ZBTB20: variants seen among roughly 807,000 people sequenced by gnomAD.
The protein encoded by ZBTB20 is zinc finger and BTB domain containing 20, also known as zinc finger and BTB domain-containing protein 20.
ZBTB20 carries 9 observed loss-of-function variants against 56.9 expected under a neutral mutation model. The observed-to-expected ratio is 0.16, with a 90% CI of 0.10 to 0.28. The LOEUF (loss-of-function observed/expected upper bound fraction) is 0.28. ZBTB20 is among the 10% of genes least tolerant of loss of function. ZBTB20 has a pLI of 1.00. For synonymous variants in ZBTB20, 417 were observed against 420.7 expected, an observed-to-expected ratio of 0.99 and a Z score of 0.11; for missense variants, 655 against 1,003.0, an observed-to-expected ratio of 0.65 and a Z score of 4.69.
At chr3:114,355,849 C>T (rs2081195785) in intron 10 of ZBTB20, among the ~76,000 whole-genome samples, 1 of 151,570 alleles carries the variant, frequency 6.6e-6, no homozygotes, top group Non-Finnish European at 1.5e-5. Context: ...AAAACACACA[C>T]ACACACACCC....
chr3:115,049,527 G>A (rs1489390664), intron 2 of ZBTB20, among the ~76,000 whole-genome samples: 1 of 152,046 alleles, frequency 6.6e-6, no homozygotes, highest in Non-Finnish European at 1.5e-5. Flanking sequence ...TATATACGTA[G>A]CCTTAAGGTA....
rs923656599 is a variant in ZBTB20, at chr3:114,339,462, G to C, written c.1805-36C>G. The C allele has an allele frequency of 7.6e-6, 12 of 1,588,056 alleles. No homozygotes were observed. The Admixed American group carries it at 1.7e-4, about 23-fold the overall frequency. On this transcript the variant is annotated intron_variant, in intron 11 of 11. Coordinates refer to ENST00000675478, the MANE Select transcript of ZBTB20 (RefSeq NM_001348800.3). The surrounding 1 kb of genome is among the most constrained non-coding windows in gnomAD (Gnocchi z 4.2). ...AGGAAGAGACAGCAAGCAGGACAGA[G>C]CGAGACATAGCAAGGGATAGAGAAT...
chr3:114,944,396 T>C (rs2076819320), intron 3 of ZBTB20, among the ~76,000 whole-genome samples: 1 of 145,422 alleles, frequency 6.9e-6, no homozygotes, highest in Non-Finnish European at 1.5e-5. Context: ...GCAAATTGGG[T>C]ACAGCCATTA....
intron 5 of ZBTB20, among the ~76,000 whole-genome samples, chr3:114,706,506 C>T (rs537039813): frequency 7.2e-5 from 11 of 152,156 alleles, no homozygotes; most frequent in African/African-American, 1.7e-4. Flanking sequence ...GATTTTAAAG[C>T]ACTTAATAAC....
chr3:114,829,918 C>A (rs1052756348), intron 4 of ZBTB20, among the ~76,000 whole-genome samples: 1 of 151,702 alleles, frequency 6.6e-6, no homozygotes, highest in African/African-American at 2.4e-5. Context: ...AAAAAGAAGG[C>A]AGTATAAGAA....
At chr3:114,430,009 G>T (rs2090000634) in intron 7 of ZBTB20, among the ~76,000 whole-genome samples, 1 of 118,936 alleles carries the variant, frequency 8.4e-6, no homozygotes, top group Non-Finnish European at 2.0e-5. Flanking sequence ...TAATCTCCAA[G>T]TCATTTCCCT....
intron 1 of ZBTB20, chr3:115,144,990 C>G (rs2084921489): frequency 6.6e-6 from 1 of 152,210 alleles, no homozygotes; most frequent in Non-Finnish European, 1.5e-5. Context: ...TTTTCTTCTT[C>G]TCACCTGTTT....
At chr3:115,035,049 A>C (rs1211661770) in intron 2 of ZBTB20, among the ~76,000 whole-genome samples, 1 of 152,058 alleles carries the variant, frequency 6.6e-6, no homozygotes, top group Non-Finnish European at 1.5e-5. Context: ...CTAACACCAT[A>C]TATAAAATTA....
At chr3:114,462,781 A>G (rs2092388136) in intron 7 of ZBTB20, among the ~76,000 whole-genome samples, 1 of 152,132 alleles carries the variant, frequency 6.6e-6, no homozygotes, top group Non-Finnish European at 1.5e-5. Flanking sequence ...ATTTTATCCA[A>G]TCTCTGAGTA....
chr3:115,060,685 G>A (rs1043780859), intron 2 of ZBTB20, among the ~76,000 whole-genome samples: 1 of 151,964 alleles, frequency 6.6e-6, no homozygotes, highest in African/African-American at 2.4e-5. Flanking sequence ...GACTATATGG[G>A]GGAAGTTTTT....
At chr3:114,748,179 G>T (rs967325844) in intron 5 of ZBTB20, among the ~76,000 whole-genome samples, 4 of 152,098 alleles carry the variant, frequency 2.6e-5, no homozygotes, top group Admixed American at 6.6e-5. Context: ...AAGTGCTCAT[G>T]ATGAGTAATT....
intron 6 of ZBTB20, among the ~76,000 whole-genome samples, chr3:114,561,939 A>AG (rs1454070561): frequency 6.6e-6 from 1 of 152,134 alleles, no homozygotes. Flanking sequence ...AGCCACCCTC[A>AG]TCAATTATCT....
chr3:115,091,701 A>G (rs561862810), intron 1 of ZBTB20, among the ~76,000 whole-genome samples: 1 of 149,596 alleles, frequency 6.7e-6, no homozygotes, highest in Admixed American at 6.8e-5. Flanking sequence ...TAACACACAC[A>G]TATATATAAT....
At chr3:114,979,705 C>T (rs1195335750) in intron 2 of ZBTB20, among the ~76,000 whole-genome samples, 1 of 151,790 alleles carries the variant, frequency 6.6e-6, no homozygotes. Context: ...TCATAAAGAA[C>T]CTGTACAGTT....
At chr3:114,911,148 C>T (rs575336286) in intron 3 of ZBTB20, among the ~76,000 whole-genome samples, 2 of 151,784 alleles carry the variant, frequency 1.3e-5, no homozygotes, top group Admixed American at 1.3e-4. Flanking sequence ...CTAGTTGAAA[C>T]TTTGGGGCTC....
rs747399622 is a variant in ZBTB20 at position 114,339,446 on chromosome 3, C to A, written c.1805-20G>T. 3.1e-5 allele frequency: 50 copies of A among 1,609,048 alleles called. No homozygotes were observed. The Admixed American group carries it at 8.2e-4, about 26-fold the overall frequency. On this transcript the variant is annotated intron_variant, in intron 11 of 11. Coordinates refer to ENST00000675478, the MANE Select transcript of ZBTB20 (RefSeq NM_001348800.3). The surrounding 1 kb of genome is among the most constrained non-coding windows in gnomAD (Gnocchi z 4.2). Reference sequence around the variant, plus strand: ...TCTCACCTGTTGATGTAGGAAGAGACAGCAAGCAGGACAGAGCGAGACATA... The same window carrying A: ...TCTCACCTGTTGATGTAGGAAGAGAAAGCAAGCAGGACAGAGCGAGACATA...
intron 5 of ZBTB20, among the ~76,000 whole-genome samples, chr3:114,711,424 T>C (rs1204605611): frequency 1.3e-5 from 2 of 152,206 alleles, no homozygotes; most frequent in African/African-American, 4.8e-5. Flanking sequence ...GAAATCTTTA[T>C]TCTGCATGGT....
intron 10 of ZBTB20, among the ~76,000 whole-genome samples, chr3:114,361,820 G>A (rs1043615260): frequency 1.3e-5 from 2 of 152,160 alleles, no homozygotes; most frequent in African/African-American, 4.8e-5. Context: ...TCTGGAGGCT[G>A]GACATAAAAA....
intron 6 of ZBTB20, among the ~76,000 whole-genome samples, chr3:114,677,566 C>T (rs1173280634): frequency 6.6e-6 from 1 of 152,172 alleles, no homozygotes; most frequent in East Asian, 1.9e-4. Flanking sequence ...AAACCATCCC[C>T]ACACCTCCAG....
Sources: allele counts gnomAD v4.1 joint callset (sites outside exome capture counted in the v4.1 genomes callset), GRCh38; gene constraint gnomAD v4.1.1; non-coding constraint Gnocchi (gnomAD v3.1); transcripts MANE v1.5; gene names NCBI Gene and HGNC (gene_info 2026-07-23, HGNC 2026-07-21).